VPS13C: variants seen among roughly 807,000 people sequenced by gnomAD.
The protein encoded by VPS13C is intermembrane lipid transfer protein VPS13C.
Under a neutral mutation model 456.8 loss-of-function variants are expected in VPS13C, and 358 were observed. That is an observed-to-expected ratio of 0.78 (90% CI 0.72 to 0.86). The LOEUF (loss-of-function observed/expected upper bound fraction) is 0.86, where lower values mean the gene tolerates loss of function less well. Among genes scored for constraint, VPS13C ranks in the 40% least tolerant of loss-of-function variants. The probability of loss-of-function intolerance (pLI) is 0.00; values close to 1 mark genes in which losing one functional copy is unlikely to be tolerated. For missense variants in VPS13C, 4,818 were observed against 4,385.4 expected, an observed-to-expected ratio of 1.10 and a Z score of -2.79; for synonymous variants, 1,578 against 1,486.7, an observed-to-expected ratio of 1.06 and a Z score of -1.41.
chr15:61,875,599 A>G, intron 76 of VPS13C, 133 bp downstream of exon 76: 1 of 663,086 alleles, frequency 1.5e-6, no homozygotes, highest in Non-Finnish European at 2.6e-6. Context: ...AAAAATATAA[A>G]ATTGATATAC....
chr15:62,038,124 G>C (rs372629096), intron 3 of VPS13C, among the ~76,000 whole-genome samples: 42 of 152,248 alleles, frequency 2.8e-4, no homozygotes, highest in African/African-American at 9.6e-4. Flanking sequence ...ATCTTGGCTT[G>C]TAATTTACTT....
At chr15:61,881,938 G>A (rs897588830) in intron 69 of VPS13C, 110 bp from the exon 70 acceptor site, 10 of 919,382 alleles carry the variant, frequency 1.1e-5, no homozygotes, top group African/African-American at 6.8e-5. Context: ...AAGTGTCTGC[G>A]TGTATATGCG....
At chr15:62,051,158 G>A (rs1311388260) in intron 1 of VPS13C, among the ~76,000 whole-genome samples, 1 of 152,066 alleles carries the variant, frequency 6.6e-6, no homozygotes, top group Non-Finnish European at 1.5e-5. Context: ...AGAAATTTAG[G>A]CTATAGCTTT....
intron 8 of VPS13C, among the ~76,000 whole-genome samples, chr15:62,022,764 T>C (rs1404307237): frequency 1.3e-5 from 2 of 151,952 alleles, no homozygotes; most frequent in Non-Finnish European, 2.9e-5. Flanking sequence ...GGTTCCTAGA[T>C]AAACGAAAAA....
intron 48 of VPS13C, chr15:61,935,355 G>T (rs2044193883): frequency 6.6e-6 from 1 of 152,188 alleles, no homozygotes; most frequent in East Asian, 1.9e-4. Flanking sequence ...CAAGTTACTG[G>T]AAAAACAAAT....
Position 62,016,279 on chromosome 15 carries a change from A to T in VPS13C, c.685-2287T>A, listed in dbSNP as rs183771753. 1.3e-3 allele frequency among the ~76,000 whole-genome samples: 193 copies of T among 151,016 alleles called. 1 individual carries two copies. Among genetic ancestry groups the T allele is most frequent in the East Asian group, 0.01 (54 of 5,150 alleles). On this transcript the variant is annotated intron_variant, in intron 9 of 84. Coordinates refer to ENST00000644861, the MANE Select transcript of VPS13C (RefSeq NM_020821.3). ...TTAACTTTATTTTATATATATATAT[A>T]TTTTTATTATACTTTAAGTTCTAGG...
intron 15 of VPS13C, among the ~76,000 whole-genome samples, chr15:62,003,212 T>C (rs1306194919): frequency 6.6e-6 from 1 of 151,588 alleles, no homozygotes; most frequent in Non-Finnish European, 1.5e-5. Context: ...TGGTTTGTAG[T>C]TCTCCTTGAA....
At chr15:61,884,574 ATTAGATAGGCAACTTAGATACCAAAGAG>A (rs1896128856) in intron 67 of VPS13C, among the ~76,000 whole-genome samples, 1 of 152,076 alleles carries the variant, frequency 6.6e-6, no homozygotes, top group Non-Finnish European at 1.5e-5. Context: ...AATTCAAGTT[ATTAGATAGGCAACTTAGATACCAAAGAG>A]AGAAAAAACT....
rs768698540 is a variant in VPS13C, at chr15:61,920,322, C to T, written c.7222G>A (p.Glu2408Lys). Residue 2408 changes from glutamate (E) to lysine (K), a missense_variant, in exon 57 of 85, where the codon GAG becomes AAG. Coordinates refer to ENST00000644861, the MANE Select transcript of VPS13C (RefSeq NM_020821.3). ...TAGTCAAAAGTAGAAGCAGTGCCCT[C>T]TGAAAAACCCTGAAAAGGAACATAT... is the stretch of plus-strand genomic sequence containing the variant. ...VFNNLAKGFSEGTASTFDYSL... is the reference protein window; with the variant it reads ...VFNNLAKGFSKGTASTFDYSL... 1.1e-5 allele frequency: 17 copies of T among 1,590,852 alleles called. No homozygotes were observed. The highest frequency in any genetic ancestry group is 1.7e-4 in the Middle Eastern group (1 of 5,956).
At chr15:62,022,368 G>C (rs920351202) in intron 8 of VPS13C, among the ~76,000 whole-genome samples, 2 of 151,860 alleles carry the variant, frequency 1.3e-5, no homozygotes, top group South Asian at 4.1e-4. Flanking sequence ...AATGGCTGTA[G>C]TAATTTACAT....
chr15:61,864,757 C>A, intron 81 of VPS13C: 1 of 985,412 alleles, frequency 1.0e-6, no homozygotes, highest in Non-Finnish European at 1.2e-6. Flanking sequence ...ACAGCAATAG[C>A]TACTTGTTTC....
At chr15:61,880,096 G>A (rs1042466970) in intron 73 of VPS13C, among the ~76,000 whole-genome samples, 2 of 151,824 alleles carry the variant, frequency 1.3e-5, no homozygotes, top group African/African-American at 2.4e-5. Flanking sequence ...AAGCTAAAAA[G>A]AACAACAAAA....
At chr15:61,931,006 G>T (rs2044034831) in intron 50 of VPS13C, 84 bp downstream of exon 50, 3 of 1,492,314 alleles carry the variant, frequency 2.0e-6, no homozygotes, top group Admixed American at 3.7e-5. Context: ...TTTTTTGGAT[G>T]ATCCCTAGCC....
At chr15:62,049,287 G>T (rs2048537760) in intron 1 of VPS13C, among the ~76,000 whole-genome samples, 1 of 152,154 alleles carries the variant, frequency 6.6e-6, no homozygotes. Flanking sequence ...TGTATAAGGT[G>T]TAAGGAAGGG....
At position 61,923,528 on chromosome 15, in the gene VPS13C, A is replaced by G. The variant is rs918729347; in HGVS notation, c.6610-766T>C. 3.0e-4 allele frequency among the ~76,000 whole-genome samples: 45 copies of G among 152,012 alleles called. 1 individual carries two copies. Among genetic ancestry groups the G allele is most frequent in the Admixed American group, 3.3e-4 (5 of 15,254 alleles). On this transcript the variant is annotated intron_variant, in intron 53 of 84. Transcript: ENST00000644861. Reference sequence around the variant, plus strand: ...CTTCCCATAATTTTTTTATCCCACAAGATAAAATTGAAACTCTCTTTAACT... The same window carrying G: ...CTTCCCATAATTTTTTTATCCCACAGGATAAAATTGAAACTCTCTTTAACT...
chr15:61,972,905 T>A, intron 26 of VPS13C, 141 bp from the exon 27 acceptor site: 1 of 869,774 alleles, frequency 1.1e-6, no homozygotes, highest in Non-Finnish European at 1.7e-6. Context: ...CTGCCTTTTT[T>A]AAACTTCTAC....
At chr15:61,881,904 G>C (rs555020120) in intron 69 of VPS13C, 76 bp from the exon 70 acceptor site, 1 of 1,274,084 alleles carries the variant, frequency 7.8e-7, no homozygotes, top group African/African-American at 1.5e-5. Flanking sequence ...TGTTATAGAA[G>C]AGGCCACCAC....
At chr15:61,856,203 C>G in intron 83 of VPS13C, 83 bp downstream of exon 83, 1 of 1,504,126 alleles carries the variant, frequency 6.6e-7, no homozygotes, top group South Asian at 1.2e-5. Context: ...GACACTAATC[C>G]TTCAAATATT....
intron 82 of VPS13C, among the ~76,000 whole-genome samples, chr15:61,860,597 T>C (rs1417083605): frequency 6.6e-6 from 1 of 152,178 alleles, no homozygotes; most frequent in East Asian, 1.9e-4. Context: ...TTATAGCATA[T>C]CTGCAAATAC....
Sources: gnomAD v4.1 joint callset for allele counts (sites outside exome capture counted in the v4.1 genomes callset) on GRCh38, gnomAD v4.1.1 for gene constraint, MANE v1.5 for transcripts, NCBI Gene and HGNC (gene_info 2026-07-23, HGNC 2026-07-21) for gene names.